Variants in CLSTN1 observed in about 807,000 individuals in gnomAD.
CLSTN1 encodes the protein calsyntenin-1.
Under a neutral mutation model 108.3 loss-of-function variants are expected in CLSTN1, and 28 were observed. That is an observed-to-expected ratio of 0.26 (90% CI 0.19 to 0.35). The LOEUF (loss-of-function observed/expected upper bound fraction) is 0.35, where lower values mean the gene tolerates loss of function less well. Among genes scored for constraint, CLSTN1 ranks in the 10% least tolerant of loss-of-function variants. The probability of loss-of-function intolerance (pLI) is 1.00; values close to 1 mark genes in which losing one functional copy is unlikely to be tolerated. For missense variants in CLSTN1, 1,157 were observed against 1,302.6 expected (o/e 0.89, Z 1.72); for synonymous variants, 524 against 534.9 (o/e 0.98, Z 0.28).
At position 9,731,776 on chromosome 1, in the gene CLSTN1, G is replaced by A. The variant is rs746567140; in HGVS notation, c.2548C>T (p.Pro850Ser). ...VDLSGHNLAN[P>S]HPFAVVPSTA... The stretch of plus-strand genomic sequence containing the variant: ...CATGTCCTACCTGCGAACGGGTGGG[G>A]GTTGGCCAGGTTGTGGCCTGACAGG... The change falls in exon 17 of 19, where the codon CCC becomes TCC. Residue 850 changes from proline to serine, a missense_variant. By Grantham distance (74) the Pro-to-Ser change is moderately conservative (BLOSUM62 -1). Transcript: ENST00000377298. 10 of 1,614,112 alleles carry A rather than the reference G, an allele frequency of 6.2e-6. No homozygotes were observed. In the East Asian group the frequency reaches 1.8e-4, roughly 29 times the overall value.
In CLSTN1 at chr1:9,737,566, C is replaced by T. The variant is rs764953245; in HGVS notation, c.1520-12G>A. The T allele has an allele frequency of 1.2e-6, 2 of 1,613,414 alleles. No homozygotes were observed. The highest frequency in any genetic ancestry group is 1.3e-5 in the African/African-American group (1 of 74,998). ...AACTCCTGAAAACTCTGTGGAAAAG[C>T]AAGACAAAGACAATAGAAAAGGACT... On this transcript the variant is annotated splice_polypyrimidine_tract_variant and intron_variant, in intron 10 of 18. Coordinates refer to ENST00000377298, the MANE Select transcript of CLSTN1 (RefSeq NM_001009566.3).
At chr1:9,813,944 A>C (rs982456771) in intron 1 of CLSTN1, among the ~76,000 whole-genome samples, 1 of 150,672 alleles carries the variant, frequency 6.6e-6, no homozygotes, top group Non-Finnish European at 1.5e-5. Context: ...CTAAAAATAC[A>C]AAAAAAAATT....
chr1:9,817,489 G>A (rs967902343), intron 1 of CLSTN1, among the ~76,000 whole-genome samples: 7 of 151,662 alleles, frequency 4.6e-5, no homozygotes, highest in Non-Finnish European at 8.8e-5. Flanking sequence ...CACCACACCC[G>A]GCTAATTTTA....
chr1:9,799,736 A>G (rs967014337), intron 1 of CLSTN1, among the ~76,000 whole-genome samples: 1 of 151,814 alleles, frequency 6.6e-6, no homozygotes, highest in Non-Finnish European at 1.5e-5. Context: ...AGGTCAAGAG[A>G]TCCAGACCAT....
chr1:9,779,467 G>A (rs1653138971), intron 1 of CLSTN1, among the ~76,000 whole-genome samples: 2 of 152,110 alleles, frequency 1.3e-5, no homozygotes, highest in Non-Finnish European at 2.9e-5. Flanking sequence ...TGAGGCAGGA[G>A]AATCGCTTGA....
intron 2 of CLSTN1, among the ~76,000 whole-genome samples, chr1:9,767,399 G>A (rs1209339688): frequency 6.6e-6 from 1 of 152,060 alleles, no homozygotes; most frequent in Non-Finnish European, 1.5e-5. Flanking sequence ...CAAAAAATTA[G>A]CCAGGCATGG....
At chr1:9,822,765 A>C (rs1240399693) in intron 1 of CLSTN1, among the ~76,000 whole-genome samples, 1 of 152,226 alleles carries the variant, frequency 6.6e-6, no homozygotes, top group Admixed American at 6.5e-5. Context: ...AGCTAATAAT[A>C]AATTAGCCAA....
At chr1:9,752,979 G>A (rs765562618) in intron 4 of CLSTN1, among the ~76,000 whole-genome samples, 2 of 152,182 alleles carry the variant, frequency 1.3e-5, no homozygotes, top group African/African-American at 2.4e-5. Flanking sequence ...TAGAGCTCTA[G>A]AAAAGACTAG....
intron 2 of CLSTN1, among the ~76,000 whole-genome samples, chr1:9,762,675 C>CTTACTGGTCCAGGCTAGTTT (rs1557703422): frequency 3.4e-5 from 5 of 148,132 alleles, no homozygotes; most frequent in Admixed American, 6.7e-5. Context: ...GGCTTTCTTG[C>CTTACTGGTCCAGGCTAGTTT]CAAGCAGCGA....
intron 1 of CLSTN1, among the ~76,000 whole-genome samples, chr1:9,807,585 C>A (rs920754349): frequency 1.3e-5 from 2 of 152,232 alleles, no homozygotes; most frequent in Admixed American, 1.3e-4. Flanking sequence ...ACACTAAGCG[C>A]GTCTGGCCCT....
At position 9,730,125 on chromosome 1, in the gene CLSTN1, C is replaced by A; in HGVS notation, c.*383G>T. 1 of 257,880 alleles carries A rather than the reference C, an allele frequency of 3.9e-6. No individual in the cohort carries two copies. Among genetic ancestry groups the A allele is most frequent in the African/African-American group, 2.2e-5 (1 of 45,960 alleles). The allele number at this position is 257,880 out of a possible 1,614,324, so 16.0% of individuals were successfully genotyped here. On this transcript the variant is annotated 3_prime_UTR_variant, in exon 19 of 19. Transcript: ENST00000377298. The surrounding 1 kb of genome is among the most constrained non-coding windows in gnomAD (Gnocchi z 5.6). ...TTTAAAAAAAGAAAAAAATGATTAC[C>A]GGGTGGGAGTGAGCATGTTTTACCC... is the stretch of plus-strand genomic sequence containing the variant.
intron 2 of CLSTN1, 133 bp downstream of exon 2, chr1:9,773,139 A>T (rs1182424831): frequency 1.4e-5 from 18 of 1,244,886 alleles, no homozygotes; most frequent in Non-Finnish European, 1.9e-5. Context: ...AAAACATGCT[A>T]CAAAGGACGC....
chr1:9,807,052 C>T (rs969831198), intron 1 of CLSTN1, among the ~76,000 whole-genome samples: 2 of 151,870 alleles, frequency 1.3e-5, no homozygotes, highest in Non-Finnish European at 2.9e-5. Context: ...GTGTGTTCCC[C>T]GGGACACTGG....
intron 11 of CLSTN1, 74 bp from the exon 12 acceptor site, chr1:9,736,116 G>A (rs1391339639): frequency 9.5e-6 from 15 of 1,573,756 alleles, no homozygotes; most frequent in Middle Eastern, 1.7e-4. Flanking sequence ...CACTCAACAC[G>A]GTGTTACCGG....
chr1:9,771,275 T>C (rs1344173715), intron 2 of CLSTN1, among the ~76,000 whole-genome samples: 1 of 151,948 alleles, frequency 6.6e-6, no homozygotes, highest in Admixed American at 6.6e-5. Flanking sequence ...AGGCCAGGAG[T>C]TCGAGACCAG....
intron 1 of CLSTN1, among the ~76,000 whole-genome samples, chr1:9,782,843 T>C (rs1385255358): frequency 2.6e-5 from 4 of 151,314 alleles, no homozygotes; most frequent in South Asian, 2.1e-4. Context: ...CCCGCCTCTA[T>C]TGAAAATACA....
At chr1:9,739,564 C>A (rs947580985) in intron 10 of CLSTN1, among the ~76,000 whole-genome samples, 2 of 152,296 alleles carry the variant, frequency 1.3e-5, no homozygotes, top group East Asian at 3.9e-4. Context: ...CAGGTCTGAG[C>A]CAGGCGCAGT....
chr1:9,747,263 A>G (rs1651316604), intron 7 of CLSTN1, among the ~76,000 whole-genome samples: 1 of 151,660 alleles, frequency 6.6e-6, no homozygotes, highest in Non-Finnish European at 1.5e-5. Flanking sequence ...TATTCTGCTG[A>G]AAAAAAATTC....
In CLSTN1 at chr1:9,735,628, C is replaced by A. The variant is rs200936443; in HGVS notation, c.1735-13G>T. The A allele has an allele frequency of 2.6e-4, 419 of 1,614,056 alleles. 2 individuals are homozygous for A. The African/African-American group carries it at 4.9e-3, about 19-fold the overall frequency. On this transcript the variant is annotated splice_polypyrimidine_tract_variant and intron_variant, in intron 12 of 18. Transcript: ENST00000377298. ...GGTGTGCTTGGATCTGAAATCACACCAGCCACAGAGAGGAGAAGAATAAGC... is the reference window on the plus strand; with the variant it reads ...GGTGTGCTTGGATCTGAAATCACACAAGCCACAGAGAGGAGAAGAATAAGC...
Sources: gnomAD v4.1 joint callset for allele counts (sites outside exome capture counted in the v4.1 genomes callset) on GRCh38, gnomAD v4.1.1 for gene constraint, Gnocchi (gnomAD v3.1) non-coding constraint, MANE v1.5 for transcripts, NCBI Gene and HGNC (gene_info 2026-07-23, HGNC 2026-07-21) for gene names.